PCSK2: variants seen among roughly 807,000 people sequenced by gnomAD.
The protein encoded by PCSK2 is neuroendocrine convertase 2.
In PCSK2, 14 loss-of-function variants were observed where a neutral mutation model predicts 69.7. The observed-to-expected ratio is 0.20, with a 90% CI of 0.13 to 0.31. The LOEUF (loss-of-function observed/expected upper bound fraction) is 0.31. Ranked by LOEUF, PCSK2 falls within the 10% of genes least tolerant of loss-of-function variation. The pLI is 1.00. For synonymous variants in PCSK2, 307 were observed against 320.7 expected (o/e 0.96, Z 0.46); for missense variants, 544 against 842.5 (o/e 0.65, Z 4.39).
intron 2 of PCSK2, among the ~76,000 whole-genome samples, chr20:17,347,900 GAAAGAAAGAAAGAAAGAAAGGAGA>G (rs1990716011): frequency 4.4e-5 from 1 of 22,690 alleles, no homozygotes; most frequent in Non-Finnish European, 1.1e-4. Flanking sequence ...AAGAAAGAAA[GAAAGAAAGAAAGAAAGAAAGGAGA>G]GAGAAAAAAG....
intron 6 of PCSK2, among the ~76,000 whole-genome samples, chr20:17,428,931 C>A (rs140533739): frequency 8.1e-6 from 1 of 123,906 alleles, no homozygotes; most frequent in Admixed American, 1.1e-4. Flanking sequence ...CCCAGGAAGT[C>A]GAAGCTGCAG....
intron 5 of PCSK2, among the ~76,000 whole-genome samples, chr20:17,402,626 A>G (rs2123291065): frequency 7.2e-6 from 1 of 138,774 alleles, no homozygotes. Context: ...ATGCCCCCGC[A>G]CTCAAGCCTG....
chr20:17,351,338 A>C (rs944345281), intron 2 of PCSK2, among the ~76,000 whole-genome samples: 1 of 152,232 alleles, frequency 6.6e-6, no homozygotes, highest in Non-Finnish European at 1.5e-5. Flanking sequence ...ACTCCTCTCT[A>C]ACTTATTCTA....
chr20:17,387,157 C>T (rs6075202), intron 5 of PCSK2, among the ~76,000 whole-genome samples: 47,834 of 152,014 alleles, frequency 0.31, 8,721 homozygotes, highest in South Asian at 0.58. Flanking sequence ...CTGTTGTACA[C>T]GTTGTACATT....
intron 2 of PCSK2, among the ~76,000 whole-genome samples, chr20:17,281,794 G>A (rs1428431868): frequency 6.6e-6 from 1 of 152,118 alleles, no homozygotes; most frequent in Non-Finnish European, 1.5e-5. Context: ...GAATGGGAAT[G>A]TTTCTGAACC....
Position 17,347,904 on chromosome 20 carries a change from G to A in PCSK2, c.283-10423G>A, listed in dbSNP as rs1046327595. Among the ~76,000 whole-genome samples the A allele has an allele frequency of 2.9e-3, 57 of 19,918 alleles. 7 individuals carry two copies. The highest frequency in any genetic ancestry group is 8.6e-3 in the African/African-American group (55 of 6,374). The allele number at this position is 19,918 out of a possible 152,430, so 13.1% of individuals were successfully genotyped here. ...AGAAAGAAAGAAAGAAAGAAAGAAA[G>A]AAAGAAAGAAAGAAAGGAGAGAGAA... On this transcript the variant is annotated intron_variant, in intron 2 of 11. Coordinates refer to ENST00000262545, the MANE Select transcript of PCSK2 (RefSeq NM_002594.5).
At chr20:17,360,685 T>C in intron 4 of PCSK2, 45 bp downstream of exon 4, 1 of 1,126,938 alleles carries the variant, frequency 8.9e-7, no homozygotes, top group Non-Finnish European at 1.3e-6. Context: ...TAAGCGTGCC[T>C]TTGCTTGCCT....
At chr20:17,268,060 T>TATATATATATATATAA (rs1395373344) in intron 2 of PCSK2, among the ~76,000 whole-genome samples, 5 of 146,230 alleles carry the variant, frequency 3.4e-5, no homozygotes, top group African/African-American at 1.3e-4. Flanking sequence ...TATATATATA[T>TATATATATATATATAA]ATAATGCATT....
chr20:17,458,152 T>C, intron 10 of PCSK2, among the ~76,000 whole-genome samples: 1 of 152,158 alleles, frequency 6.6e-6, no homozygotes, highest in Non-Finnish European at 1.5e-5. Flanking sequence ...TGGCAGCTTG[T>C]GGGTAAGTCC....
chr20:17,367,052 T>C (rs1224471894), intron 4 of PCSK2, among the ~76,000 whole-genome samples: 2 of 151,706 alleles, frequency 1.3e-5, no homozygotes, highest in African/African-American at 4.8e-5. Flanking sequence ...TCTAGCTAAG[T>C]GTGAAAAAAG....
intron 5 of PCSK2, among the ~76,000 whole-genome samples, chr20:17,386,939 T>C (rs1303954029): frequency 6.6e-6 from 1 of 152,196 alleles, no homozygotes; most frequent in Non-Finnish European, 1.5e-5. Context: ...ACCTAGTCTG[T>C]AGCCCTGCCC....
At chr20:17,373,409 A>T (rs1312591941) in intron 5 of PCSK2, among the ~76,000 whole-genome samples, 7 of 152,126 alleles carry the variant, frequency 4.6e-5, no homozygotes, top group Non-Finnish European at 5.9e-5. Flanking sequence ...GTCCCAAAAG[A>T]TGTTCCTACC....
intron 2 of PCSK2, among the ~76,000 whole-genome samples, chr20:17,329,502 A>G (rs1353370751): frequency 2.0e-5 from 3 of 152,214 alleles, no homozygotes; most frequent in Admixed American, 6.5e-5. Flanking sequence ...TGCAAACCCT[A>G]CATGTTTCTC....
Position 17,303,508 on chromosome 20 carries a change from TTATATATAATATA to T in PCSK2, c.282+43165_282+43177del, listed in dbSNP as rs1989205848. ...TATATTATATTTAATATAATATATA[TTATATATAATATA>T]ATATATATTATATTATATATAATAT... On this transcript the variant is annotated intron_variant, in intron 2 of 11. Transcript: ENST00000262545. Among the ~76,000 whole-genome samples, 9 of 45,248 alleles carry T rather than the reference TTATATATAATATA, an allele frequency of 2.0e-4. 1 individual carries two copies. The Admixed American group carries it at 2.7e-3, about 13-fold the overall frequency. 29.7% of individuals were successfully genotyped at this position (45,248 alleles called of 152,430 possible).
At chr20:17,404,430 C>G (rs886116925) in intron 5 of PCSK2, among the ~76,000 whole-genome samples, 1 of 152,208 alleles carries the variant, frequency 6.6e-6, no homozygotes, top group African/African-American at 2.4e-5. Flanking sequence ...AGGACGGTGA[C>G]TCCTAGGGGC....
chr20:17,396,961 G>T (rs1411434391), intron 5 of PCSK2, among the ~76,000 whole-genome samples: 1 of 152,154 alleles, frequency 6.6e-6, no homozygotes, highest in Non-Finnish European at 1.5e-5. Flanking sequence ...TAGGGCAGTT[G>T]CCTAAGTAGA....
chr20:17,371,125 G>T (rs1352134242), intron 5 of PCSK2, among the ~76,000 whole-genome samples: 1 of 152,190 alleles, frequency 6.6e-6, no homozygotes, highest in East Asian at 1.9e-4. Context: ...TCAAGGTGGG[G>T]TGGTACCCAT....
At chr20:17,277,751 G>A (rs917948295) in intron 2 of PCSK2, among the ~76,000 whole-genome samples, 9 of 152,002 alleles carry the variant, frequency 5.9e-5, no homozygotes, top group African/African-American at 2.2e-4. Context: ...CTTCTGCACA[G>A]CAAAAGAAAT....
At chr20:17,352,993 C>CA (rs199561992) in intron 2 of PCSK2, among the ~76,000 whole-genome samples, 457 of 148,400 alleles carry the variant, frequency 3.1e-3, no homozygotes, top group African/African-American at 8.1e-3. Context: ...AACAAATCAA[C>CA]AAAAAAAAAA....
Sources: allele counts gnomAD v4.1 joint callset (sites outside exome capture counted in the v4.1 genomes callset), GRCh38; gene constraint gnomAD v4.1.1; transcripts MANE v1.5; gene names NCBI Gene and HGNC (gene_info 2026-07-23, HGNC 2026-07-21).